Variants in CDH1 observed in about 807,000 individuals in gnomAD.
The protein encoded by CDH1 is cadherin 1.
Under a neutral mutation model 84.5 loss-of-function variants are expected in CDH1, and 35 were observed. The ratio of observed to expected loss-of-function variants is 0.41; its 90% CI spans 0.32 to 0.55. The LOEUF is 0.55. Ranked by LOEUF, CDH1 falls within the 20% of genes least tolerant of loss-of-function variation. CDH1 has a pLI of 0.19. For missense variants in CDH1, 994 were observed against 1,126.6 expected (o/e 0.88, Z 1.68); for synonymous variants, 417 against 439.0 (o/e 0.95, Z 0.63).
intron 2 of CDH1, among the ~76,000 whole-genome samples, chr16:68,795,859 G>C (rs1428091066): frequency 1.3e-5 from 2 of 151,422 alleles, no homozygotes; most frequent in Non-Finnish European, 2.9e-5. Context: ...AGTTCAAATG[G>C]TCTTTGAATA....
chr16:68,829,549 C>T (rs1051975072), intron 14 of CDH1, 105 bp from the exon 15 acceptor site: 43 of 1,080,156 alleles, frequency 4.0e-5, no homozygotes, highest in Middle Eastern at 2.0e-4. Context: ...ATACAGTTGG[C>T]AGTGAAGGCA....
At chr16:68,777,465 G>A (rs901976871) in intron 2 of CDH1, among the ~76,000 whole-genome samples, 1 of 151,700 alleles carries the variant, frequency 6.6e-6, no homozygotes, top group African/African-American at 2.4e-5. Context: ...GCCACCAAAG[G>A]CTTTAGCCAA....
At chr16:68,813,585 G>C in intron 9 of CDH1, 90 bp downstream of exon 9, 1 of 1,321,092 alleles carries the variant, frequency 7.6e-7, no homozygotes, top group Middle Eastern at 1.8e-4. Flanking sequence ...AAGTAGATTC[G>C]CTTTGGCAGG....
chr16:68,829,333 T>A (rs1486163008), intron 14 of CDH1, among the ~76,000 whole-genome samples: 1 of 152,190 alleles, frequency 6.6e-6, no homozygotes, highest in Non-Finnish European at 1.5e-5. Flanking sequence ...GGATGTATAC[T>A]TTTCTCACAA....
At chr16:68,810,155 T>C (rs2152130928) in intron 5 of CDH1, 42 bp from the exon 6 acceptor site, 1 of 1,612,884 alleles carries the variant, frequency 6.2e-7, no homozygotes, top group Non-Finnish European at 8.5e-7. Context: ...CCATGTTTTC[T>C]TCCTCATCAG....
At chr16:68,820,640 G>A (rs1262607326) in intron 11 of CDH1, among the ~76,000 whole-genome samples, 2 of 152,042 alleles carry the variant, frequency 1.3e-5, no homozygotes, top group Non-Finnish European at 2.9e-5. Context: ...GTGAGCCACC[G>A]TGCCTGGCCT....
In CDH1 at chr16:68,817,922, C is replaced by G. The variant is rs1033767146; in HGVS notation, c.1566-1358C>G. ...GCACCATATATTCGACAATAGAATT[C>G]TATCAAAGTTTTGTTTCCTAAAATT... On this transcript the variant is annotated intron_variant, in intron 10 of 15. Coordinates refer to ENST00000261769, the MANE Select transcript of CDH1 (RefSeq NM_004360.5). Among the ~76,000 whole-genome samples, 4 of 152,100 alleles carry G rather than the reference C, an allele frequency of 2.6e-5. No individual in the cohort carries two copies. The South Asian group carries it at 6.3e-4, about 24-fold the overall frequency.
Position 68,812,199 on chromosome 16 carries a change from C to T in CDH1, c.1073C>T (p.Thr358Ile), listed in dbSNP as rs1191901557. 1.9e-6 allele frequency: 3 copies of T among 1,614,034 alleles called. No homozygotes were observed. The highest frequency in any genetic ancestry group is 1.7e-6 in the Non-Finnish European group (2 of 1,179,982). Reference protein sequence around the residue: ...ADLQGEGLSTTATAVITVTDT... With the variant: ...ADLQGEGLSTIATAVITVTDT... ...CTTCAAGGTGAGGGGTTAAGCACAACAGCAACAGCTGTGATCACAGTCACT... is the reference window on the plus strand; with the variant it reads ...CTTCAAGGTGAGGGGTTAAGCACAATAGCAACAGCTGTGATCACAGTCACT... Residue 358 changes from threonine to isoleucine, a missense_variant, in exon 8 of 16, where the codon ACA becomes ATA. Transcript: ENST00000261769.
intron 2 of CDH1, among the ~76,000 whole-genome samples, chr16:68,797,856 A>G (rs558590082): frequency 6.6e-6 from 1 of 152,258 alleles, no homozygotes; most frequent in African/African-American, 2.4e-5. Context: ...AGGCGGGCAG[A>G]TCACTTGAGG....
intron 2 of CDH1, among the ~76,000 whole-genome samples, chr16:68,783,699 T>C (rs929516858): frequency 6.6e-6 from 1 of 152,084 alleles, no homozygotes; most frequent in Non-Finnish European, 1.5e-5. Context: ...TTTTTTGAGA[T>C]AGAGTCTCGC....
At chr16:68,774,375 C>A (rs920300906) in intron 2 of CDH1, among the ~76,000 whole-genome samples, 3 of 152,170 alleles carry the variant, frequency 2.0e-5, no homozygotes, top group Admixed American at 6.6e-5. Flanking sequence ...CAAAAATTAG[C>A]TGGGCGTGGC....
intron 15 of CDH1, among the ~76,000 whole-genome samples, chr16:68,830,112 A>G (rs1596973411): frequency 6.7e-6 from 1 of 149,298 alleles, no homozygotes; most frequent in Non-Finnish European, 1.5e-5. Context: ...GCACCACCAC[A>G]CTCAGCTAAT....
Position 68,811,602 on chromosome 16 carries a change from C to T in CDH1, c.833-82C>T, listed in dbSNP as rs537692527. 3.5e-5 allele frequency: 44 copies of T among 1,247,670 alleles called. No individual in the cohort carries two copies. The African/African-American group carries it at 4.3e-4, about 12-fold the overall frequency. 77.3% of individuals were successfully genotyped at this position (1,247,670 alleles called of 1,614,324 possible). A position where few individuals can be genotyped will look rare whatever the true frequency, so the allele number is the denominator to read the frequency against. ...CCCCCATGTCCCCTCCTTTATCCCT[C>T]AGGGCAGAATTGGATTAAGCAGTAT... is the stretch of plus-strand genomic sequence containing the variant. On this transcript the variant is annotated intron_variant, in intron 6 of 15. Transcript: ENST00000261769.
chr16:68,827,633 A>C (rs925938454), intron 13 of CDH1, among the ~76,000 whole-genome samples: 4 of 152,142 alleles, frequency 2.6e-5, no homozygotes, highest in African/African-American at 4.8e-5. Context: ...CTGGTTATGT[A>C]TCAATCACAT....
At chr16:68,741,725 C>T (rs1056244361) in intron 2 of CDH1, among the ~76,000 whole-genome samples, 5 of 152,120 alleles carry the variant, frequency 3.3e-5, no homozygotes, top group African/African-American at 9.7e-5. Flanking sequence ...TGCCGCCCAG[C>T]CTGGAGTGCA....
intron 2 of CDH1, among the ~76,000 whole-genome samples, chr16:68,772,126 G>T (rs1254304418): frequency 6.6e-6 from 1 of 152,138 alleles, no homozygotes; most frequent in East Asian, 1.9e-4. Flanking sequence ...TGCTACACTG[G>T]GACCCTGACT....
At chr16:68,766,744 T>TA (rs999656967) in intron 2 of CDH1, among the ~76,000 whole-genome samples, 2 of 151,558 alleles carry the variant, frequency 1.3e-5, no homozygotes, top group African/African-American at 4.9e-5. Flanking sequence ...CCCCCTTTTT[T>TA]TTTGAGACAG....
intron 2 of CDH1, among the ~76,000 whole-genome samples, chr16:68,784,943 T>A (rs1464841722): frequency 6.6e-6 from 1 of 151,890 alleles, no homozygotes; most frequent in Non-Finnish European, 1.5e-5. Context: ...ACTTTCACCC[T>A]CATGCCTTTT....
intron 2 of CDH1, among the ~76,000 whole-genome samples, chr16:68,777,534 C>CT (rs71148949): frequency 0.44 from 33,704 of 76,666 alleles, 8,061 homozygotes; most frequent in Non-Finnish European, 0.54. Context: ...GTAATGTTTC[C>CT]TTTTTTTTTT....
Sources: allele counts gnomAD v4.1 joint callset (sites outside exome capture counted in the v4.1 genomes callset), GRCh38; gene constraint gnomAD v4.1.1; transcripts MANE v1.5; gene names NCBI Gene and HGNC (gene_info 2026-07-23, HGNC 2026-07-21).